Variants in SNTG1 observed in about 807,000 individuals in gnomAD.
The protein encoded by SNTG1 is syntrophin gamma 1, also known as gamma-1-syntrophin.
A neutral mutation model predicts 74.7 loss-of-function variants in SNTG1; 39 were observed. That is an observed-to-expected ratio of 0.52 (90% CI 0.40 to 0.68). The LOEUF is 0.68. SNTG1 is among the 30% of genes least tolerant of loss of function. The pLI is 0.00. For missense variants in SNTG1, 685 were observed against 609.5 expected, an observed-to-expected ratio of 1.12 and a Z score of -1.30; for synonymous variants, 254 against 217.1, an observed-to-expected ratio of 1.17 and a Z score of -1.49.
At chr8:49,986,435 G>A (rs1250980052) in intron 1 of SNTG1, among the ~76,000 whole-genome samples, 1 of 152,074 alleles carries the variant, frequency 6.6e-6, no homozygotes, top group African/African-American at 2.4e-5. Flanking sequence ...ATCACACCAG[G>A]CAAATCATTG....
intron 15 of SNTG1, among the ~76,000 whole-genome samples, chr8:50,681,894 C>G (rs2095332338): frequency 1.3e-5 from 2 of 152,180 alleles, no homozygotes; most frequent in Admixed American, 1.3e-4. Flanking sequence ...TGTCCTCTGA[C>G]TCTGCAGACA....
chr8:50,197,631 A>G (rs540983369), intron 2 of SNTG1, among the ~76,000 whole-genome samples: 1 of 152,270 alleles, frequency 6.6e-6, no homozygotes, highest in East Asian at 1.9e-4. Context: ...ACATGCTTAA[A>G]TTTTGTATTG....
rs192777476 is a variant in SNTG1 at position 50,529,225 on chromosome 8, A to G, written c.467-952A>G. 5.8e-3 allele frequency among the ~76,000 whole-genome samples: 882 copies of G among 152,136 alleles called. 9 individuals carry two copies. The highest frequency in any genetic ancestry group is 0.019 in the African/African-American group (810 of 41,566). ...AATAAACTTCACAGGAAAAATAACT[A>G]AAACATAGTGTGATATTCTTACAGT... On this transcript the variant is annotated intron_variant, in intron 9 of 18. Coordinates refer to ENST00000642720, the MANE Select transcript of SNTG1 (RefSeq NM_018967.5).
chr8:50,386,006 A>T (rs577364597), intron 2 of SNTG1, among the ~76,000 whole-genome samples: 1 of 152,316 alleles, frequency 6.6e-6, no homozygotes, highest in Non-Finnish European at 1.5e-5. Flanking sequence ...TCTCGAGGAA[A>T]GTGGTATTGT....
intron 1 of SNTG1, among the ~76,000 whole-genome samples, chr8:49,931,503 C>T (rs1037442585): frequency 6.6e-6 from 1 of 152,048 alleles, no homozygotes; most frequent in Admixed American, 6.6e-5. Context: ...ACCTCAGCAT[C>T]GCACAATATA....
At chr8:50,050,753 A>G (rs1819500676) in intron 1 of SNTG1, among the ~76,000 whole-genome samples, 1 of 152,086 alleles carries the variant, frequency 6.6e-6, no homozygotes, top group Admixed American at 6.6e-5. Flanking sequence ...ACTACAGGTC[A>G]ACATCCCATA....
intron 1 of SNTG1, among the ~76,000 whole-genome samples, chr8:50,162,138 A>G (rs1446725456): frequency 6.6e-6 from 1 of 152,174 alleles, no homozygotes; most frequent in Non-Finnish European, 1.5e-5. Flanking sequence ...CAAAATAAGG[A>G]ATTGAGATAG....
intron 9 of SNTG1, among the ~76,000 whole-genome samples, chr8:50,520,316 A>G (rs1585556742): frequency 6.6e-6 from 1 of 152,166 alleles, no homozygotes; most frequent in Non-Finnish European, 1.5e-5. Flanking sequence ...ACTTAAACGT[A>G]AGATCTAAAA....
intron 1 of SNTG1, among the ~76,000 whole-genome samples, chr8:49,984,242 G>C (rs1812946187): frequency 1.3e-5 from 2 of 151,408 alleles, no homozygotes; most frequent in African/African-American, 2.4e-5. Flanking sequence ...ATTTACTCTT[G>C]TTGCCCAGGC....
chr8:50,523,452 C>A (rs540599183), intron 9 of SNTG1, among the ~76,000 whole-genome samples: 2 of 152,206 alleles, frequency 1.3e-5, no homozygotes, highest in Admixed American at 1.3e-4. Flanking sequence ...ACTTGCAATT[C>A]TTTCTTTTAT....
At chr8:49,986,807 G>C (rs951600864) in intron 1 of SNTG1, among the ~76,000 whole-genome samples, 6 of 151,934 alleles carry the variant, frequency 3.9e-5, no homozygotes, top group African/African-American at 9.7e-5. Context: ...CATGAACCCA[G>C]GAAGTCAAGG....
chr8:50,264,524 CG>C (rs1414624359), intron 2 of SNTG1, among the ~76,000 whole-genome samples: 1 of 150,880 alleles, frequency 6.6e-6, no homozygotes, highest in Non-Finnish European at 1.5e-5. Flanking sequence ...GAGCAGAGAT[CG>C]CACCACTGCA....
chr8:50,025,702 G>C (rs1202575336), intron 1 of SNTG1, among the ~76,000 whole-genome samples: 1 of 152,080 alleles, frequency 6.6e-6, no homozygotes, highest in Non-Finnish European at 1.5e-5. Context: ...TTCTGTCTCA[G>C]AAAAAAGTGT....
intron 12 of SNTG1, among the ~76,000 whole-genome samples, chr8:50,577,038 A>G (rs536680244): frequency 6.6e-6 from 1 of 152,322 alleles, no homozygotes; most frequent in Non-Finnish European, 1.5e-5. Flanking sequence ...TCCTGATCAC[A>G]TAGGAACATA....
Position 50,793,790 on chromosome 8 carries a change from G to A in SNTG1, c.*961G>A, listed in dbSNP as rs1442646612. On this transcript the variant is annotated 3_prime_UTR_variant, in exon 19 of 19. Coordinates refer to ENST00000642720, the MANE Select transcript of SNTG1 (RefSeq NM_018967.5). ...TGAACTAAAATGTCCCCCGAAAACA[G>A]TCCCAAAGCTATTATAGATGTTAAT... The A allele has an allele frequency of 6.6e-6, 1 of 151,806 alleles. No individual in the cohort carries two copies. The highest frequency in any genetic ancestry group is 1.5e-5 in the Non-Finnish European group (1 of 67,880). The allele number at this position is 151,806 out of a possible 1,614,324, so 9.4% of individuals were successfully genotyped here.
chr8:50,665,190 G>C (rs914906554), intron 15 of SNTG1, among the ~76,000 whole-genome samples: 3 of 152,088 alleles, frequency 2.0e-5, no homozygotes, highest in Admixed American at 2.0e-4. Context: ...GTTGAATGAG[G>C]AGGGTATTCA....
chr8:50,676,614 T>A (rs911729269), intron 15 of SNTG1, among the ~76,000 whole-genome samples: 8 of 151,962 alleles, frequency 5.3e-5, no homozygotes, highest in African/African-American at 1.7e-4. Flanking sequence ...ATTCTTTTAG[T>A]TTTTTCTTAT....
At chr8:50,759,652 G>T (rs1218775578) in intron 18 of SNTG1, among the ~76,000 whole-genome samples, 1 of 151,636 alleles carries the variant, frequency 6.6e-6, no homozygotes, top group Non-Finnish European at 1.5e-5. Flanking sequence ...GACTCATTCT[G>T]TTCCATTGAT....
chr8:50,031,183 G>A (rs1446614222), intron 1 of SNTG1, among the ~76,000 whole-genome samples: 1 of 151,816 alleles, frequency 6.6e-6, no homozygotes, highest in African/African-American at 2.4e-5. Context: ...TAATTATACA[G>A]TTGATTTTTG....
Sources: gnomAD v4.1 joint callset for allele counts (sites outside exome capture counted in the v4.1 genomes callset) on GRCh38, gnomAD v4.1.1 for gene constraint, MANE v1.5 for transcripts, NCBI Gene and HGNC (gene_info 2026-07-23, HGNC 2026-07-21) for gene names.